SYTL3: variants seen among roughly 807,000 people sequenced by gnomAD.
SYTL3 encodes synaptotagmin like 3, also known as synaptotagmin-like protein 3.
A neutral mutation model predicts 82.1 loss-of-function variants in SYTL3; 88 were observed. The ratio of observed to expected loss-of-function variants is 1.07; its 90% CI spans 0.90 to 1.28. The LOEUF (loss-of-function observed/expected upper bound fraction) is 1.28, where lower values mean the gene tolerates loss of function less well. Among genes scored for constraint, SYTL3 ranks in the 50% most tolerant of loss-of-function variants. The probability of loss-of-function intolerance (pLI) is 0.00; values close to 1 mark genes in which losing one functional copy is unlikely to be tolerated. For synonymous variants in SYTL3, 311 were observed against 289.4 expected (o/e 1.07, Z -0.76); for missense variants, 831 against 757.6 (o/e 1.10, Z -1.14).
chr6:158,681,400 CA>C (rs1456728417), intron 5 of SYTL3, among the ~76,000 whole-genome samples: 1 of 152,108 alleles, frequency 6.6e-6, no homozygotes, highest in Non-Finnish European at 1.5e-5. Context: ...GCTGTCAGAC[CA>C]GTGGGCCAAA....
At chr6:158,649,560 A>T (rs558620189), upstream of SYTL3, among the ~76,000 whole-genome samples, 1 of 152,364 alleles carries the variant, frequency 6.6e-6, no homozygotes, top group African/African-American at 2.4e-5. Context: ...GTGCTGAGTA[A>T]TACTACCTAG....
intron 11 of SYTL3, among the ~76,000 whole-genome samples, chr6:158,730,378 T>G (rs973165728): frequency 6.6e-6 from 1 of 152,210 alleles, no homozygotes; most frequent in Non-Finnish European, 1.5e-5. Flanking sequence ...GAAAGTAAAA[T>G]TGCCCTGCTA....
At chr6:158,695,758 A>C (rs774573268) in intron 6 of SYTL3, among the ~76,000 whole-genome samples, 3 of 152,198 alleles carry the variant, frequency 2.0e-5, no homozygotes. Context: ...GGTACCACAT[A>C]TAAGTGGAAT....
chr6:158,707,102 A>G (rs1399681880), intron 6 of SYTL3, 128 bp from the exon 7 acceptor site: 4 of 964,078 alleles, frequency 4.1e-6, no homozygotes, highest in Non-Finnish European at 6.3e-6. Flanking sequence ...TCACCTCAAA[A>G]TGATCTCTTA....
chr6:158,697,500 A>G (rs1457288104), intron 6 of SYTL3, among the ~76,000 whole-genome samples: 6 of 152,118 alleles, frequency 3.9e-5, no homozygotes, highest in African/African-American at 1.4e-4. Context: ...TTTCTTAGCT[A>G]TGACAGCAAA....
chr6:158,662,217 G>A (rs2128362753), intron 3 of SYTL3, among the ~76,000 whole-genome samples: 1 of 152,212 alleles, frequency 6.6e-6, no homozygotes, highest in Non-Finnish European at 1.5e-5. Context: ...AACAAAAATG[G>A]TACTATAGGA....
chr6:158,757,347 C>A lies in SYTL3; in HGVS notation c.1274C>A (p.Thr425Lys). Residue 425 changes from threonine (T) to lysine (K), a missense_variant, in exon 14 of 18, where the codon ACA becomes AAA. Thr to Lys is a moderately conservative substitution (Grantham distance 78). Coordinates refer to ENST00000611299, the MANE Select transcript of SYTL3 (RefSeq NM_001242394.2). ...ACGTGGGACTTTGAAGACAGCACAA[C>A]ACAGTCCTTCCGCTGGCATCCGCTC... is the stretch of plus-strand genomic sequence containing the variant. ...LATWDFEDST[T>K]QSFRWHPLRA... 4.3e-6 allele frequency: 7 copies of A among 1,614,074 alleles called. No individual in the cohort carries two copies. The highest frequency in any genetic ancestry group is 5.9e-6 in the Non-Finnish European group (7 of 1,179,988).
chr6:158,703,310 C>T (rs1781547306), intron 6 of SYTL3, among the ~76,000 whole-genome samples: 2 of 152,108 alleles, frequency 1.3e-5, no homozygotes, highest in African/African-American at 4.8e-5. Flanking sequence ...TGGGCCCTGG[C>T]CTGCAGCTGT....
chr6:158,697,638 C>T (rs1780710167), intron 6 of SYTL3, among the ~76,000 whole-genome samples: 1 of 152,164 alleles, frequency 6.6e-6, no homozygotes, highest in Admixed American at 6.5e-5. Context: ...ATTTTCAGAT[C>T]ACATATCTGA....
At chr6:158,684,725 T>G (rs1779100578) in intron 6 of SYTL3, among the ~76,000 whole-genome samples, 1 of 152,014 alleles carries the variant, frequency 6.6e-6, no homozygotes, top group South Asian at 2.1e-4. Context: ...TGGGTTGATA[T>G]TCAGCTTTTA....
chr6:158,665,467 G>C lies in SYTL3; in HGVS notation c.183G>C (p.Lys61Asn). 6 of 1,608,716 alleles carry C rather than the reference G, an allele frequency of 3.7e-6. No individual in the cohort carries two copies. Among genetic ancestry groups the C allele is most frequent in the Non-Finnish European group, 5.1e-6 (6 of 1,177,654 alleles). Residue 61 changes from lysine (K) to asparagine (N), a missense_variant, in exon 5 of 18, where the codon AAG (lysine) becomes AAC (asparagine). Lys to Asn is a moderately conservative substitution (Grantham distance 94). Transcript: ENST00000611299. ...ACACGGACTGGGAGCACAAAGAGAA[G>C]TGCTGTGCGCGCTGCCAGCAGGTGC... ...AKNTDWEHKE[K>N]CCARCQQVLG... is the part of the protein sequence containing the mutation.
At chr6:158,654,643 C>T (rs1305205390) in intron 2 of SYTL3, among the ~76,000 whole-genome samples, 4 of 152,158 alleles carry the variant, frequency 2.6e-5, no homozygotes, top group African/African-American at 9.7e-5. Context: ...CTGGATGACT[C>T]AGTGAGTTCC....
chr6:158,700,321 T>C (rs1781041561), intron 6 of SYTL3, among the ~76,000 whole-genome samples: 1 of 152,106 alleles, frequency 6.6e-6, no homozygotes, highest in Non-Finnish European at 1.5e-5. Flanking sequence ...CTTGCTATGT[T>C]ATCCAGGCTG....
chr6:158,716,582 T>A (rs1025448694), intron 9 of SYTL3, among the ~76,000 whole-genome samples: 1 of 152,142 alleles, frequency 6.6e-6, no homozygotes, highest in African/African-American at 2.4e-5. Flanking sequence ...GACATGGGGA[T>A]GGCATTGCTA....
At chr6:158,734,982 G>A (rs1562441751) in intron 11 of SYTL3, among the ~76,000 whole-genome samples, 2 of 152,204 alleles carry the variant, frequency 1.3e-5, no homozygotes, top group Non-Finnish European at 1.5e-5. Flanking sequence ...TGAGATGACT[G>A]TAGAACTCTG....
intron 14 of SYTL3, among the ~76,000 whole-genome samples, chr6:158,758,647 T>A (rs1789483685): frequency 6.6e-6 from 1 of 152,010 alleles, no homozygotes; most frequent in Admixed American, 6.6e-5. Context: ...ACCTGCCCCC[T>A]CCCTGCTCCT....
In SYTL3 at chr6:158,725,893, G is replaced by T. The variant is rs532180958; in HGVS notation, c.855+256G>T. The T allele has an allele frequency of 4.3e-6, 3 of 700,662 alleles. No homozygotes were observed. The African/African-American group carries it at 5.3e-5, about 12-fold the overall frequency. The allele number at this position is 700,662 out of a possible 1,614,324, so 43.4% of individuals were successfully genotyped here. On this transcript the variant is annotated intron_variant, in intron 11 of 17. Transcript: ENST00000611299. ...TTCATTATCAATCCACTCCACCAGTGCTCTGTAGCTTTCTATAATGCAGCA... is the reference window on the plus strand; with the variant it reads ...TTCATTATCAATCCACTCCACCAGTTCTCTGTAGCTTTCTATAATGCAGCA...
chr6:158,655,121 C>T (rs1419545090), intron 2 of SYTL3, among the ~76,000 whole-genome samples: 2 of 152,112 alleles, frequency 1.3e-5, no homozygotes, highest in African/African-American at 2.4e-5. Context: ...AGGAGATTTC[C>T]GTATTCAAGC....
rs184979069 is a variant in SYTL3 at position 158,760,641 on chromosome 6, C to T, written c.1310C>T (p.Ala437Val). 3.5e-5 allele frequency: 56 copies of T among 1,613,458 alleles called. No individual in the cohort carries two copies. Among genetic ancestry groups the T allele is most frequent in the Admixed American group, 2.8e-4 (17 of 60,002 alleles). ...SFRWHPLRAK[A>V]EKYEDSVPQS... ...CTAAGCTCTGCCTCTTGTCCCCAGG[C>T]GGAGAAATACGAAGACAGCGTTCCT... The change falls in exon 15 of 18, where the codon GCG becomes GTG. Residue 437 changes from alanine to valine, a missense_variant and splice_region_variant. Coordinates refer to ENST00000611299, the MANE Select transcript of SYTL3 (RefSeq NM_001242394.2).
Sources: gnomAD v4.1 joint callset for allele counts (sites outside exome capture counted in the v4.1 genomes callset) on GRCh38, gnomAD v4.1.1 for gene constraint, MANE v1.5 for transcripts, NCBI Gene and HGNC (gene_info 2026-07-23, HGNC 2026-07-21) for gene names.